Variants in GRIK1 observed in about 807,000 individuals in gnomAD.
GRIK1 encodes glutamate ionotropic receptor kainate type subunit 1, also known as glutamate receptor ionotropic, kainate 1.
GRIK1 carries 69 observed loss-of-function variants against 105.7 expected under a neutral mutation model. That is an observed-to-expected ratio of 0.65 (90% CI 0.54 to 0.80). The LOEUF (loss-of-function observed/expected upper bound fraction) is 0.80, where lower values mean the gene tolerates loss of function less well. Among genes scored for constraint, GRIK1 ranks in the 30% least tolerant of loss-of-function variants. GRIK1 has a pLI of 0.00. For synonymous variants in GRIK1, 438 were observed against 431.3 expected (o/e 1.02, Z -0.19); for missense variants, 1,109 against 1,167.3 (o/e 0.95, Z 0.73).
At chr21:29,850,521 C>A (rs1419246936) in intron 1 of GRIK1, among the ~76,000 whole-genome samples, 1 of 152,140 alleles carries the variant, frequency 6.6e-6, no homozygotes, top group African/African-American at 2.4e-5. Context: ...CAAGGACAAC[C>A]ACCACCACAA....
At chr21:29,848,990 A>G (rs1051082919) in intron 1 of GRIK1, among the ~76,000 whole-genome samples, 3 of 151,894 alleles carry the variant, frequency 2.0e-5, no homozygotes, top group African/African-American at 7.3e-5. Flanking sequence ...TGACTCTGTG[A>G]AGGCAGAACA....
intron 13 of GRIK1, among the ~76,000 whole-genome samples, chr21:29,579,943 A>G (rs890454020): frequency 2.8e-5 from 4 of 144,412 alleles, no homozygotes; most frequent in African/African-American, 1.1e-4. Context: ...TGTGAAACCT[A>G]AAAGTATATA....
chr21:29,553,495 A>G, intron 16 of GRIK1: 1 of 1,485,514 alleles, frequency 6.7e-7, no homozygotes, highest in South Asian at 1.5e-5. Context: ...AAATATCAAC[A>G]ACACCAATTA....
intron 1 of GRIK1, among the ~76,000 whole-genome samples, chr21:29,781,170 T>C (rs1569085124): frequency 1.3e-5 from 2 of 152,184 alleles, no homozygotes; most frequent in Non-Finnish European, 2.9e-5. Context: ...TTTTCACAGA[T>C]ATATACACAA....
chr21:29,756,496 G>A (rs1464490629), intron 1 of GRIK1, among the ~76,000 whole-genome samples: 1 of 152,130 alleles, frequency 6.6e-6, no homozygotes, highest in Non-Finnish European at 1.5e-5. Context: ...GCTGGCCTTG[G>A]GGACAATGCC....
chr21:29,650,258 G>C (rs1568932874), intron 6 of GRIK1, among the ~76,000 whole-genome samples: 1 of 152,164 alleles, frequency 6.6e-6, no homozygotes, highest in Non-Finnish European at 1.5e-5. Context: ...TTCTCTGTGA[G>C]ATGTTGGGTA....
In GRIK1 at chr21:29,722,592, A is replaced by C. The variant is rs139058297; in HGVS notation, c.119-28529T>G. Reference sequence around the variant, plus strand: ...AATAAATAAAAGTAAAAAAAAAAAAAAAACTCCCAAACTAATACTTTTATT... The same window carrying C: ...AATAAATAAAAGTAAAAAAAAAAAACAAACTCCCAAACTAATACTTTTATT... On this transcript the variant is annotated intron_variant, in intron 1 of 17. Coordinates refer to ENST00000327783, the MANE Select transcript of GRIK1 (RefSeq NM_001330994.2). Among the ~76,000 whole-genome samples, 84 of 151,828 alleles carry C rather than the reference A, an allele frequency of 5.5e-4. 1 individual carries two copies. The East Asian group carries it at 0.011, about 21-fold the overall frequency.
At chr21:29,805,073 G>T (rs2066827612) in intron 1 of GRIK1, among the ~76,000 whole-genome samples, 1 of 151,930 alleles carries the variant, frequency 6.6e-6, no homozygotes, top group African/African-American at 2.4e-5. Flanking sequence ...AGATTTTGTG[G>T]GGATATGCAG....
chr21:29,892,125 G>A (rs1378297249), intron 1 of GRIK1, among the ~76,000 whole-genome samples: 1 of 152,192 alleles, frequency 6.6e-6, no homozygotes, highest in African/African-American at 2.4e-5. Context: ...CTCAGTCACA[G>A]GCTTTCCATT....
chr21:29,753,679 T>G (rs1422951875), intron 1 of GRIK1, among the ~76,000 whole-genome samples: 1 of 152,218 alleles, frequency 6.6e-6, no homozygotes, highest in Admixed American at 6.5e-5. Flanking sequence ...GGCAGGCTAT[T>G]TTTAAAAGTT....
intron 1 of GRIK1, among the ~76,000 whole-genome samples, chr21:29,757,333 T>C (rs2065375800): frequency 6.6e-6 from 1 of 152,168 alleles, no homozygotes; most frequent in Non-Finnish European, 1.5e-5. Flanking sequence ...TTCCTTCAAC[T>C]TCTCAGATTA....
At chr21:29,583,416 A>T (rs1299913012) in intron 12 of GRIK1, among the ~76,000 whole-genome samples, 1 of 152,148 alleles carries the variant, frequency 6.6e-6, no homozygotes, top group African/African-American at 2.4e-5. Context: ...AATTGAAATA[A>T]ATTAAGAGCC....
At chr21:29,699,954 C>A (rs1328280489) in intron 1 of GRIK1, among the ~76,000 whole-genome samples, 1 of 152,072 alleles carries the variant, frequency 6.6e-6, no homozygotes, top group Non-Finnish European at 1.5e-5. Flanking sequence ...CAGCCAACAT[C>A]TTCTTTTTTT....
chr21:29,652,965 C>A (rs1428479909), intron 5 of GRIK1, among the ~76,000 whole-genome samples: 1 of 152,226 alleles, frequency 6.6e-6, no homozygotes, highest in African/African-American at 2.4e-5. Flanking sequence ...CAGCTCTGTG[C>A]TCCGAGATCA....
At chr21:29,803,573 G>A (rs1209488426) in intron 1 of GRIK1, among the ~76,000 whole-genome samples, 6 of 152,056 alleles carry the variant, frequency 3.9e-5, no homozygotes, top group Admixed American at 3.9e-4. Flanking sequence ...AACCCTGGTG[G>A]CTCTTCTTTA....
At chr21:29,718,558 G>T (rs1180064385) in intron 1 of GRIK1, among the ~76,000 whole-genome samples, 1 of 152,204 alleles carries the variant, frequency 6.6e-6, no homozygotes, top group Non-Finnish European at 1.5e-5. Flanking sequence ...CAGGGTCTCA[G>T]CTTCATTTCC....
intron 3 of GRIK1, among the ~76,000 whole-genome samples, chr21:29,683,284 T>C (rs569768097): frequency 6.6e-6 from 1 of 152,218 alleles, no homozygotes; most frequent in Non-Finnish European, 1.5e-5. Context: ...ACTGGGTATA[T>C]ATCCAAAAGA....
chr21:29,712,596 T>G (rs1028118873), intron 1 of GRIK1, among the ~76,000 whole-genome samples: 1 of 152,208 alleles, frequency 6.6e-6, no homozygotes, highest in African/African-American at 2.4e-5. Context: ...GATGGCTATT[T>G]AAATTCATAT....
intron 15 of GRIK1, among the ~76,000 whole-genome samples, chr21:29,560,169 T>C (rs918462940): frequency 2.6e-5 from 4 of 152,170 alleles, no homozygotes; most frequent in Non-Finnish European, 4.4e-5. Context: ...ACTTGCCCAG[T>C]AGTCTAGACA....
Sources: gnomAD v4.1 joint callset for allele counts (sites outside exome capture counted in the v4.1 genomes callset) on GRCh38, gnomAD v4.1.1 for gene constraint, MANE v1.5 for transcripts, NCBI Gene and HGNC (gene_info 2026-07-23, HGNC 2026-07-21) for gene names.